Variants in ZNF536 observed in about 807,000 individuals in gnomAD.
ZNF536 encodes the protein zinc finger protein 536.
In ZNF536, 13 loss-of-function variants were observed where a neutral mutation model predicts 84.5. That is an observed-to-expected ratio of 0.15 (90% CI 0.10 to 0.24). The LOEUF (loss-of-function observed/expected upper bound fraction) is 0.24. ZNF536 is among the 10% of genes least tolerant of loss of function. The pLI is 1.00. For missense variants in ZNF536, 1,536 were observed against 1,747.5 expected, an observed-to-expected ratio of 0.88 and a Z score of 2.16; for synonymous variants, 811 against 742.5, an observed-to-expected ratio of 1.09 and a Z score of -1.50.
At chr19:30,651,381 G>A (rs1005641767) in intron 1 of ZNF536, among the ~76,000 whole-genome samples, 4 of 152,350 alleles carry the variant, frequency 2.6e-5, no homozygotes, top group Non-Finnish European at 5.9e-5. Flanking sequence ...TGTTTACCCA[G>A]CTGCTATTCT....
intron 1 of ZNF536, among the ~76,000 whole-genome samples, chr19:30,586,109 T>G (rs764796399): frequency 2.0e-5 from 3 of 152,220 alleles, no homozygotes; most frequent in South Asian, 2.1e-4. Context: ...CTATGTATAT[T>G]TGGGCAAGTT....
intron 1 of ZNF536, among the ~76,000 whole-genome samples, chr19:30,606,155 AAAAATAAAATAAAATAAAT>A (rs1030054249): frequency 4.0e-5 from 5 of 125,356 alleles, no homozygotes; most frequent in Non-Finnish European, 9.0e-5. Context: ...CCTCATCTCT[AAAAATAAAATAAAATAAAT>A]AAAATAAAAT....
At chr19:30,389,469 T>TA (rs1174780351) in intron 1 of ZNF536, among the ~76,000 whole-genome samples, 2 of 152,188 alleles carry the variant, frequency 1.3e-5, no homozygotes, top group Non-Finnish European at 2.9e-5. Context: ...CATGGATTTT[T>TA]AAAAAATCTT....
At chr19:30,683,962 T>A (rs1453449140) in intron 1 of ZNF536, among the ~76,000 whole-genome samples, 6 of 152,226 alleles carry the variant, frequency 3.9e-5, no homozygotes, top group African/African-American at 1.4e-4. Flanking sequence ...TATTGCTTTT[T>A]TTGATACATT....
Position 30,253,266 on chromosome 19 carries a change from A to C in ZNF536, c.-190+24593A>C, listed in dbSNP as rs2024717307. 3.3e-5 allele frequency among the ~76,000 whole-genome samples: 5 copies of C among 152,214 alleles called. No homozygotes were observed. The South Asian group carries it at 1.0e-3, about 32-fold the overall frequency. On this transcript the variant is annotated intron_variant, in intron 1 of 5. Coordinates refer to the ZNF536 transcript ENST00000585628. ...GATTTTAAAAATGTGCCTTTGATTC[A>C]CTAATCTCTGACATTGAGACATTTT... is the stretch of plus-strand genomic sequence containing the variant.
chr19:30,244,879 A>G (rs1028179966), intron 1 of ZNF536, among the ~76,000 whole-genome samples: 3 of 152,182 alleles, frequency 2.0e-5, no homozygotes, highest in African/African-American at 2.4e-5. Context: ...GGAAATGCCA[A>G]TGGAACACAT....
chr19:30,246,714 T>G (rs943555801), intron 1 of ZNF536, among the ~76,000 whole-genome samples: 1 of 152,248 alleles, frequency 6.6e-6, no homozygotes, highest in Non-Finnish European at 1.5e-5. Flanking sequence ...GATCTCCTGT[T>G]GAATTGTTCA....
chr19:30,314,335 G>A (rs917980844), intron 2 of ZNF536, among the ~76,000 whole-genome samples: 2 of 152,148 alleles, frequency 1.3e-5, no homozygotes, highest in Admixed American at 6.5e-5. Flanking sequence ...GCTCCTGCAG[G>A]TTATGCCTTC....
chr19:30,264,966 T>TGAGAGAGAGAGA lies in ZNF536; in HGVS notation c.-189-19101_-189-19090dup, dbSNP rs142750589. On this transcript the variant is annotated intron_variant, in intron 1 of 5. Coordinates refer to the ZNF536 transcript ENST00000585628. ...GTGTGTGTGTGTGTGTGTGTGTGTG[T>TGAGAGAGAGAGA]GAGAGAGAGAGAGAGAAAGAGAGAT... 6.9e-4 allele frequency among the ~76,000 whole-genome samples: 92 copies of TGAGAGAGAGAGA among 133,848 alleles called. 1 individual carries two copies. Among genetic ancestry groups the TGAGAGAGAGAGA allele is most frequent in the African/African-American group, 2.5e-3 (85 of 33,782 alleles). The allele number at this position is 133,848 out of a possible 152,430, so 87.8% of individuals were successfully genotyped here. A position where few individuals can be genotyped will look rare whatever the true frequency, so the allele number is the denominator to read the frequency against.
chr19:30,664,208 C>CTCTCTCTT, intron 1 of ZNF536, among the ~76,000 whole-genome samples: 1 of 6,100 alleles, frequency 1.6e-4, no homozygotes, highest in South Asian at 4.2e-3. Flanking sequence ...TGAGTTTTCT[C>CTCTCTCTT]TCTCTCTCTC....
At chr19:30,489,759 C>T (rs1157393778) in intron 2 of ZNF536, among the ~76,000 whole-genome samples, 1 of 152,184 alleles carries the variant, frequency 6.6e-6, no homozygotes, top group Non-Finnish European at 1.5e-5. Context: ...TGACAGTCGT[C>T]GTCAGGTAGT....
At chr19:30,694,304 G>A (rs182883521) in intron 1 of ZNF536, among the ~76,000 whole-genome samples, 2 of 152,350 alleles carry the variant, frequency 1.3e-5, no homozygotes, top group East Asian at 3.9e-4. Flanking sequence ...AACAGGAAGT[G>A]ATTGAACCAG....
At chr19:30,692,603 CG>C (rs1185467982) in intron 1 of ZNF536, among the ~76,000 whole-genome samples, 1 of 152,230 alleles carries the variant, frequency 6.6e-6, no homozygotes, top group African/African-American at 2.4e-5. Context: ...AACGGAACGC[CG>C]TTCTGCCATG....
At chr19:30,461,725 C>G (rs1600837588) in intron 2 of ZNF536, among the ~76,000 whole-genome samples, 1 of 152,220 alleles carries the variant, frequency 6.6e-6, no homozygotes, top group African/African-American at 2.4e-5. Flanking sequence ...GTGAGCTTGC[C>G]CCCGTCTCAG....
chr19:30,321,070 C>T (rs1000993379), intron 2 of ZNF536, among the ~76,000 whole-genome samples: 1 of 152,226 alleles, frequency 6.6e-6, no homozygotes, highest in African/African-American at 2.4e-5. Context: ...CTCGCAGGCT[C>T]TGGCTCCAGG....
intron 1 of ZNF536, among the ~76,000 whole-genome samples, chr19:30,671,352 G>T (rs894614931): frequency 1.3e-5 from 2 of 152,236 alleles, no homozygotes; most frequent in South Asian, 4.1e-4. Flanking sequence ...CACTGGAAAG[G>T]TTGGCCCAGC....
At chr19:30,590,437 A>T (rs1169319051) in intron 1 of ZNF536, among the ~76,000 whole-genome samples, 1 of 152,146 alleles carries the variant, frequency 6.6e-6, no homozygotes, top group South Asian at 2.1e-4. Context: ...GTGGCTTCCA[A>T]TGCCTTTCAG....
At chr19:30,304,390 A>T (rs571599909) in intron 2 of ZNF536, among the ~76,000 whole-genome samples, 11 of 152,314 alleles carry the variant, frequency 7.2e-5, no homozygotes, top group African/African-American at 2.4e-4. Context: ...TGAGCCTTCC[A>T]GAAGCCTTTG....
At chr19:30,286,262 C>T (rs564282917) in intron 2 of ZNF536, among the ~76,000 whole-genome samples, 2 of 152,168 alleles carry the variant, frequency 1.3e-5, no homozygotes, top group African/African-American at 2.4e-5. Context: ...AACAATTACA[C>T]GCTCAAATCA....
Sources: allele counts gnomAD v4.1 joint callset (sites outside exome capture counted in the v4.1 genomes callset), GRCh38; gene constraint gnomAD v4.1.1; transcripts MANE v1.5; gene names NCBI Gene and HGNC (gene_info 2026-07-23, HGNC 2026-07-21).